FAM178B: variants seen among roughly 807,000 people sequenced by gnomAD.
FAM178B encodes family with sequence similarity 178 member B.
FAM178B carries 82 observed loss-of-function variants against 91.7 expected under a neutral mutation model. The observed-to-expected ratio is 0.89, with a 90% CI of 0.75 to 1.07. The LOEUF (loss-of-function observed/expected upper bound fraction) is 1.07. Among genes scored for constraint, FAM178B ranks in the 50% least tolerant of loss-of-function variants. FAM178B has a pLI of 0.00. For missense variants in FAM178B, 769 were observed against 846.7 expected, an observed-to-expected ratio of 0.91 and a Z score of 1.14; for synonymous variants, 368 against 359.4, an observed-to-expected ratio of 1.02 and a Z score of -0.27.
chr2:96,913,016 C>T (rs1267275549), intron 12 of FAM178B, among the ~76,000 whole-genome samples: 4 of 152,164 alleles, frequency 2.6e-5, no homozygotes, highest in Non-Finnish European at 4.4e-5. Flanking sequence ...GGAGACAGAA[C>T]GGCTGTTTTA....
rs758842817 is a variant in FAM178B, at chr2:96,967,545, C to G, written c.709G>C (p.Glu237Gln). Reference protein sequence around the residue: ...NLNSLDLDEEEVPLTPEHRML... With the variant: ...NLNSLDLDEEQVPLTPEHRML... ...CTGTGCTCGGGTGTGAGTGGCACTT[C>G]CTCTTCATCAAGATCCAAGGAGTTG... is the stretch of plus-strand genomic sequence containing the variant. Residue 237 changes from glutamate to glutamine, a missense_variant, in exon 5 of 17, where the codon GAA becomes CAA. Coordinates refer to ENST00000490605, the MANE Select transcript of FAM178B (RefSeq NM_001122646.3). 2 of 1,550,318 alleles carry G rather than the reference C, an allele frequency of 1.3e-6. No homozygotes were observed. Among genetic ancestry groups the G allele is most frequent in the South Asian group, 2.4e-5 (2 of 84,056 alleles).
chr2:96,955,552 C>T lies in FAM178B; in HGVS notation c.888-4068G>A, dbSNP rs1348710258. Among the ~76,000 whole-genome samples the T allele has an allele frequency of 5.3e-5, 8 of 152,068 alleles. No homozygotes were observed. In the East Asian group the frequency reaches 1.4e-3, roughly 26 times the overall value. On this transcript the variant is annotated intron_variant, in intron 6 of 16. Coordinates refer to ENST00000490605, the MANE Select transcript of FAM178B (RefSeq NM_001122646.3). ...AAAATTAGCCGTGCGTGGTGGTGGG[C>T]GCCTGTAATCCCAGCTACTCAGGAG...
chr2:96,920,701 G>A (rs2081322283), intron 12 of FAM178B, among the ~76,000 whole-genome samples: 2 of 152,232 alleles, frequency 1.3e-5, no homozygotes, highest in Non-Finnish European at 2.9e-5. Context: ...TAGCTGTTCT[G>A]GTAGAGGTAA....
rs570515612 is a variant in FAM178B at position 96,915,112 on chromosome 2, AT to A, written c.1562+6052del. ...ATGTCTTGAAATTATCTATAACCAA[AT>A]TTTTTTTTTTTTTTGAGACGAAGTC... On this transcript the variant is annotated intron_variant, in intron 12 of 16. Transcript: ENST00000490605. Among the ~76,000 whole-genome samples, 856 of 142,904 alleles carry A rather than the reference AT, an allele frequency of 6.0e-3. 3 individuals carry two copies. The highest frequency in any genetic ancestry group is 0.012 in the African/African-American group (474 of 39,064). 93.8% of individuals were successfully genotyped at this position (142,904 alleles called of 152,430 possible).
At position 96,952,935 on chromosome 2, in the gene FAM178B, T is replaced by C. The variant is rs74625279; in HGVS notation, c.888-1451A>G. Among the ~76,000 whole-genome samples the C allele has an allele frequency of 2.0e-3, 306 of 152,324 alleles. 2 individuals are homozygous for C. Among genetic ancestry groups the C allele is most frequent in the African/African-American group, 7.1e-3 (296 of 41,564 alleles). On this transcript the variant is annotated intron_variant, in intron 6 of 16. Coordinates refer to ENST00000490605, the MANE Select transcript of FAM178B (RefSeq NM_001122646.3). Reference sequence around the variant, plus strand: ...TTTTCAGTCAGCCCAACCTCCTCCTTCTGCTTCTCCTCCTTCTCCTTTAAA... The same window carrying C: ...TTTTCAGTCAGCCCAACCTCCTCCTCCTGCTTCTCCTCCTTCTCCTTTAAA...
At chr2:96,955,044 T>G (rs2081979609) in intron 6 of FAM178B, among the ~76,000 whole-genome samples, 1 of 151,846 alleles carries the variant, frequency 6.6e-6, no homozygotes, top group South Asian at 2.1e-4. Context: ...AGCATGGGCC[T>G]GACTAAAAAC....
At chr2:96,887,195 A>AC (rs2080546644) in intron 14 of FAM178B, among the ~76,000 whole-genome samples, 1 of 151,296 alleles carries the variant, frequency 6.6e-6, no homozygotes, top group African/African-American at 2.4e-5. Flanking sequence ...AGCCTGGGCA[A>AC]CACAGCGAGA....
intron 1 of FAM178B, 132 bp downstream of exon 1, chr2:96,986,109 C>T: frequency 4.1e-6 from 6 of 1,462,602 alleles, no homozygotes; most frequent in South Asian, 1.4e-5. Flanking sequence ...ACCTGAAAAG[C>T]GCCAGAGTAG....
At chr2:96,932,885 A>C (rs1051070612) in intron 8 of FAM178B, among the ~76,000 whole-genome samples, 5 of 137,910 alleles carry the variant, frequency 3.6e-5, no homozygotes. Context: ...GGTTGCAGTG[A>C]GTTGAAATCG....
chr2:96,961,064 G>C (rs992782882), intron 5 of FAM178B, among the ~76,000 whole-genome samples: 1 of 152,140 alleles, frequency 6.6e-6, no homozygotes, highest in African/African-American at 2.4e-5. Context: ...TCCTGGGCCC[G>C]GTCCGGCCCA....
intron 5 of FAM178B, 86 bp from the exon 6 acceptor site, chr2:96,960,526 G>A (rs1455495483): frequency 7.1e-7 from 1 of 1,411,686 alleles, no homozygotes; most frequent in African/African-American, 1.4e-5. Context: ...AAGGATAGAG[G>A]GGGGCCACGG....
At chr2:96,929,445 A>C in intron 8 of FAM178B, 125 bp from the exon 9 acceptor site, 2 of 681,796 alleles carry the variant, frequency 2.9e-6, no homozygotes, top group East Asian at 5.6e-5. Context: ...CTCTGACACC[A>C]CAGGTGTTAT....
rs2080486642 is a variant in FAM178B at position 96,885,221 on chromosome 2, A to G, written c.1777-6728T>C. ...TCCGGCTCTGCTGCAGTGAATGGCC[A>G]TTGAATGGAAGTTTGCTTTTGGGCC... On this transcript the variant is annotated intron_variant, in intron 14 of 16. Transcript: ENST00000490605. Among the ~76,000 whole-genome samples the G allele has an allele frequency of 4.6e-5, 7 of 152,358 alleles. No individual in the cohort carries two copies. The South Asian group carries it at 1.2e-3, about 27-fold the overall frequency.
intron 13 of FAM178B, among the ~76,000 whole-genome samples, chr2:96,898,691 G>A (rs1375106973): frequency 6.6e-6 from 1 of 152,158 alleles, no homozygotes; most frequent in Non-Finnish European, 1.5e-5. Context: ...CCTGTTGGGT[G>A]ACCCTGGAAA....
chr2:96,902,530 C>T, intron 13 of FAM178B, 90 bp downstream of exon 13: 1 of 872,446 alleles, frequency 1.1e-6, no homozygotes, highest in Non-Finnish European at 1.9e-6. Context: ...GCCAGCTTAG[C>T]TCTGGGGCCT....
rs548999052 is a variant in FAM178B at position 96,960,233 on chromosome 2, G to C, written c.887+55C>G. 495 of 1,536,372 alleles carry C rather than the reference G, an allele frequency of 3.2e-4. 2 individuals carry two copies. The African/African-American group carries it at 4.3e-3, about 13-fold the overall frequency. On this transcript the variant is annotated intron_variant, in intron 6 of 16. Transcript: ENST00000490605. ...TGGCCCTTATCCCTGGACTCCAGGA[G>C]GGAGGGGTCCTGGACAGGCTGCGCC... is the stretch of plus-strand genomic sequence containing the variant.
intron 12 of FAM178B, among the ~76,000 whole-genome samples, chr2:96,904,190 C>T (rs2080986956): frequency 6.6e-6 from 1 of 151,814 alleles, no homozygotes; most frequent in South Asian, 2.1e-4. Flanking sequence ...AAGGTTTGCA[C>T]AGCAGCAGCA....
intron 8 of FAM178B, among the ~76,000 whole-genome samples, chr2:96,945,561 C>T (rs900851348): frequency 2.0e-5 from 3 of 151,910 alleles, no homozygotes; most frequent in African/African-American, 7.3e-5. Flanking sequence ...CGTGCGCGCG[C>T]ACACACAAAT....
At chr2:96,946,623 G>A (rs973504731) in intron 8 of FAM178B, among the ~76,000 whole-genome samples, 48 of 152,386 alleles carry the variant, frequency 3.1e-4, no homozygotes, top group African/African-American at 1.1e-3. Flanking sequence ...CTTCCTAATG[G>A]GGAGCGCATC....
Sources: allele counts gnomAD v4.1 joint callset (sites outside exome capture counted in the v4.1 genomes callset), GRCh38; gene constraint gnomAD v4.1.1; transcripts MANE v1.5; gene names NCBI Gene and HGNC (gene_info 2026-07-23, HGNC 2026-07-21).